RIPK2: variants seen among roughly 807,000 people sequenced by gnomAD.
RIPK2 encodes receptor interacting serine/threonine kinase 2.
In RIPK2, 38 loss-of-function variants were observed where a neutral mutation model predicts 60.9. The ratio of observed to expected loss-of-function variants is 0.62; its 90% CI spans 0.48 to 0.82. The LOEUF is 0.82. Ranked by LOEUF, RIPK2 falls within the 40% of genes least tolerant of loss-of-function variation. RIPK2 has a pLI of 0.00. For synonymous variants in RIPK2, 225 were observed against 223.4 expected (o/e 1.01, Z -0.06); for missense variants, 518 against 647.0 (o/e 0.80, Z 2.16).
intron 7 of RIPK2, among the ~76,000 whole-genome samples, chr8:89,781,609 A>T (rs996520178): frequency 1.3e-5 from 2 of 152,070 alleles, no homozygotes; most frequent in Non-Finnish European, 2.9e-5. Context: ...ATTCTGTGAT[A>T]CTTATAGGGC....
At chr8:89,759,817 A>G (rs1809115985) in intron 1 of RIPK2, among the ~76,000 whole-genome samples, 1 of 152,242 alleles carries the variant, frequency 6.6e-6, no homozygotes, top group Admixed American at 6.5e-5. Flanking sequence ...CCCATTAGGT[A>G]TTGAAAAGCC....
chr8:89,758,075 C>T lies in RIPK2; in HGVS notation c.15C>T (p.Ala5=), dbSNP rs1032312777. ...CGCCCGGGACCATGAACGGGGAGGC[C>T]ATCTGCAGCGCCCTGCCCACCATTC... is the stretch of plus-strand genomic sequence containing the variant. The part of the protein sequence containing the change: MNGE[A]ICSALPTIPY... The change falls in exon 1 of 11, where the codon GCC becomes GCT. Residue 5 remains alanine (A), a synonymous_variant. Coordinates refer to ENST00000220751, the MANE Select transcript of RIPK2 (RefSeq NM_003821.6). 14 of 1,602,492 alleles carry T rather than the reference C, an allele frequency of 8.7e-6. No homozygotes were observed. Among genetic ancestry groups the T allele is most frequent in the South Asian group, 1.1e-5 (1 of 89,358 alleles).
At chr8:89,761,998 C>A (rs1299032122) in intron 1 of RIPK2, among the ~76,000 whole-genome samples, 3 of 151,402 alleles carry the variant, frequency 2.0e-5, no homozygotes, top group Non-Finnish European at 4.4e-5. Context: ...AGTTTGAGGC[C>A]ACCCTGAATA....
Position 89,772,727 on chromosome 8 carries a change from A to G in RIPK2, c.752A>G (p.Asn251Ser). ...SVSQGHRPVI[N>S]EESLPYDIPH... ...TCACAAGGACATCGACCTGTTATTA[A>G]TGAAGAAAGTTTGCCATATGATATA... The change falls in exon 6 of 11, where the codon AAT becomes AGT. Residue 251 changes from asparagine to serine, a missense_variant. By Grantham distance (46) the Asn-to-Ser change is conservative (BLOSUM62 1). This residue lies in a region of RIPK2 where 448 missense variants were observed against 534.7 expected (regional missense o/e 0.84). Coordinates refer to ENST00000220751, the MANE Select transcript of RIPK2 (RefSeq NM_003821.6). 6.2e-7 allele frequency: 1 copy of G among 1,612,094 alleles called. No homozygotes were observed. The highest frequency in any genetic ancestry group is 8.5e-7 in the Non-Finnish European group (1 of 1,178,576).
chr8:89,786,891 C>T (rs1028531318), intron 9 of RIPK2, among the ~76,000 whole-genome samples: 27 of 151,782 alleles, frequency 1.8e-4, no homozygotes, highest in African/African-American at 5.6e-4. Context: ...TTTGGCCAGG[C>T]GCAGTGGTTC....
At chr8:89,761,769 G>A (rs950665717) in intron 1 of RIPK2, among the ~76,000 whole-genome samples, 17 of 151,566 alleles carry the variant, frequency 1.1e-4, no homozygotes, top group African/African-American at 3.9e-4. Flanking sequence ...CAAACAAACC[G>A]TCAATCACTT....
At chr8:89,782,839 C>G (rs1469567285) in intron 7 of RIPK2, among the ~76,000 whole-genome samples, 1 of 152,106 alleles carries the variant, frequency 6.6e-6, no homozygotes, top group Non-Finnish European at 1.5e-5. Flanking sequence ...GACAGATTCA[C>G]TAATTCACAA....
chr8:89,785,500 C>T (rs567248656), intron 8 of RIPK2, among the ~76,000 whole-genome samples: 1 of 152,046 alleles, frequency 6.6e-6, no homozygotes, highest in African/African-American at 2.4e-5. Flanking sequence ...AATTAAGTTA[C>T]CTTCAGGCTG....
chr8:89,770,517 A>T (rs1273211327), intron 4 of RIPK2, among the ~76,000 whole-genome samples: 1 of 151,900 alleles, frequency 6.6e-6, no homozygotes, highest in Admixed American at 6.6e-5. Context: ...AATAAAAGGA[A>T]GATGATTATT....
rs117058835 is a variant in RIPK2, at chr8:89,788,874, C to T, written c.1124-447C>T. On this transcript the variant is annotated intron_variant, in intron 9 of 10. Coordinates refer to ENST00000220751, the MANE Select transcript of RIPK2 (RefSeq NM_003821.6). ...AAGAAGGAAGGAAGGAAATATAAGACGAAAGTTCAATGAAGACAGAAAATG... is the reference window on the plus strand; with the variant it reads ...AAGAAGGAAGGAAGGAAATATAAGATGAAAGTTCAATGAAGACAGAAAATG... Among the ~76,000 whole-genome samples the T allele has an allele frequency of 3.1e-4, 47 of 151,714 alleles. 1 individual carries two copies. The East Asian group carries it at 5.4e-3, about 18-fold the overall frequency.
At chr8:89,788,794 CAGAG>C (rs376041296) in intron 9 of RIPK2, among the ~76,000 whole-genome samples, 1,648 of 139,494 alleles carry the variant, frequency 0.012, 10 homozygotes, top group Admixed American at 0.018. Flanking sequence ...GAGAGAGAGA[CAGAG>C]AGAGAGAGAG....
intron 1 of RIPK2, among the ~76,000 whole-genome samples, chr8:89,762,270 A>G (rs1384608286): frequency 6.6e-6 from 1 of 152,192 alleles, no homozygotes; most frequent in East Asian, 1.9e-4. Context: ...TATTAATATT[A>G]TTGAGCATTT....
chr8:89,757,915 C>T lies in RIPK2; in HGVS notation c.-146C>T. On this transcript the variant is annotated 5_prime_UTR_variant, in exon 1 of 11. Transcript: ENST00000220751. ...CGTGGGCCATCCGGGGAATGGGCGC[C>T]CTCGTGACCTAGTGTTGCGGGGCAA... 7.2e-7 allele frequency: 1 copy of T among 1,384,780 alleles called. No individual in the cohort carries two copies. The highest frequency in any genetic ancestry group is 9.3e-7 in the Non-Finnish European group (1 of 1,071,476). 85.8% of individuals were successfully genotyped at this position (1,384,780 alleles called of 1,614,324 possible). A position where few individuals can be genotyped will look rare whatever the true frequency, so the allele number is the denominator to read the frequency against.
At chr8:89,786,042 A>G (rs1809582258) in intron 8 of RIPK2, among the ~76,000 whole-genome samples, 1 of 152,248 alleles carries the variant, frequency 6.6e-6, no homozygotes, top group Admixed American at 6.5e-5. Flanking sequence ...CGTGTAGAAA[A>G]TACTGAAAAA....
rs373332496 is a variant in RIPK2, at chr8:89,774,629, G to A, written c.853+1801G>A. ...TTTATAATAGCCAGCAAGTAGAAAC[G>A]GTCATAATTACTGCTGCTACTACTA... On this transcript the variant is annotated intron_variant, in intron 6 of 10. Transcript: ENST00000220751. Among the ~76,000 whole-genome samples, 4 of 152,144 alleles carry A rather than the reference G, an allele frequency of 2.6e-5. No homozygotes were observed. The East Asian group carries it at 7.7e-4, about 29-fold the overall frequency.
At chr8:89,767,947 A>T (rs39763) in intron 3 of RIPK2, among the ~76,000 whole-genome samples, 62,297 of 151,502 alleles carry the variant, frequency 0.41, 13,208 homozygotes, top group Non-Finnish European at 0.48. Context: ...TGCTATGTAG[A>T]TGCATCATTT....
intron 1 of RIPK2, among the ~76,000 whole-genome samples, chr8:89,760,906 C>T (rs1809134593): frequency 6.6e-6 from 1 of 152,110 alleles, no homozygotes; most frequent in Non-Finnish European, 1.5e-5. Flanking sequence ...TCAGGGTCAT[C>T]CTCTATTGTT....
intron 8 of RIPK2, among the ~76,000 whole-genome samples, chr8:89,784,782 A>C (rs1297018783): frequency 6.6e-6 from 1 of 152,174 alleles, no homozygotes; most frequent in African/African-American, 2.4e-5. Flanking sequence ...ATTTATAAAG[A>C]AAAGAGGTTT....
chr8:89,784,200 A>G lies in RIPK2; in HGVS notation c.1029+61A>G, dbSNP rs566828348. 31 of 1,124,256 alleles carry G rather than the reference A, an allele frequency of 2.8e-5. No homozygotes were observed. In the South Asian group the frequency reaches 3.6e-4, roughly 13 times the overall value. 69.6% of individuals were successfully genotyped at this position (1,124,256 alleles called of 1,614,324 possible). On this transcript the variant is annotated intron_variant, in intron 8 of 10. Coordinates refer to ENST00000220751, the MANE Select transcript of RIPK2 (RefSeq NM_003821.6). ...AACTCAAAATGTGAGAAGAATTTGA[A>G]AAAATCATTTGGTCTAAGCCCTTCT...
Sources: allele counts gnomAD v4.1 joint callset (sites outside exome capture counted in the v4.1 genomes callset), GRCh38; gene constraint gnomAD v4.1.1; regional missense constraint gnomAD v4.1.1; transcripts MANE v1.5; gene names NCBI Gene and HGNC (gene_info 2026-07-23, HGNC 2026-07-21).